The following RNF216 variants were observed in gnomAD, a reference collection of about 807,000 sequenced individuals.
RNF216 encodes ring finger protein 216.
RNF216 carries 72 observed loss-of-function variants against 110.8 expected under a neutral mutation model. The observed-to-expected ratio is 0.65, with a 90% CI of 0.54 to 0.79. The LOEUF (loss-of-function observed/expected upper bound fraction) is 0.79. RNF216 is among the 30% of genes least tolerant of loss of function. The pLI, the probability that RNF216 is intolerant of heterozygous loss-of-function variation, is 0.00. For synonymous variants in RNF216, 495 were observed against 407.5 expected (o/e 1.21, Z -2.59); for missense variants, 1,342 against 1,141.2 (o/e 1.18, Z -2.54).
At position 5,730,723 on chromosome 7, in the gene RNF216, C is replaced by T; in HGVS notation, c.1216G>A (p.Glu406Lys). 1 of 1,606,006 alleles carries T rather than the reference C, an allele frequency of 6.2e-7. No homozygotes were observed. Among genetic ancestry groups the T allele is most frequent in the South Asian group, 1.1e-5 (1 of 90,536 alleles). The part of the protein sequence containing the change: ...PSSSLLASQD[E>K]TKLPKIDFFD... ...ATGAACATGACACTTGCCTTTGTCTCATCTTGGCTGGCCAGCAGACTGCTA... is the reference window on the plus strand; with the variant it reads ...ATGAACATGACACTTGCCTTTGTCTTATCTTGGCTGGCCAGCAGACTGCTA... Residue 406 changes from glutamate (E) to lysine (K), a missense_variant, in exon 6 of 17, where the codon GAG becomes AAG. Physicochemically the swap from Glu to Lys is moderately conservative, Grantham distance 56 (BLOSUM62 1). Coordinates refer to ENST00000389902, the MANE Select transcript of RNF216 (RefSeq NM_207111.4).
chr7:5,712,961 A>G, intron 11 of RNF216, 98 bp from the exon 12 acceptor site: 2 of 1,083,338 alleles, frequency 1.8e-6, no homozygotes, highest in Non-Finnish European at 2.6e-6. Context: ...GAGACAACAT[A>G]GCAAGGATCT....
rs1041552305 is a variant in RNF216 at position 5,730,780 on chromosome 7, T to C, written c.1159A>G (p.Lys387Glu). 1 of 1,608,514 alleles carries C rather than the reference T, an allele frequency of 6.2e-7. No homozygotes were observed. The highest frequency in any genetic ancestry group is 1.7e-5 in the Admixed American group (1 of 59,254). Residue 387 changes from lysine to glutamate, a missense_variant, in exon 6 of 17, where the codon AAG (lysine) becomes GAG (glutamate). Physicochemically the swap from Lys to Glu is moderately conservative, Grantham distance 56. Transcript: ENST00000389902. ...NFLLENPDYP[K>E]REDRIIINPS... ...TTTATAATGATTCTGTCTTCTCTCT[T>C]TGGATAATCTGGGTTTTCCAGAAGA...
At chr7:5,742,171 C>T (rs1013924767) in intron 3 of RNF216, among the ~76,000 whole-genome samples, 12 of 152,282 alleles carry the variant, frequency 7.9e-5, no homozygotes, top group African/African-American at 2.9e-4. Context: ...CTCAGCCTCC[C>T]AAGTAGCTGG....
chr7:5,779,220 T>C (rs1796940958), intron 1 of RNF216, among the ~76,000 whole-genome samples: 1 of 152,176 alleles, frequency 6.6e-6, no homozygotes, highest in African/African-American at 2.4e-5. Flanking sequence ...TCATCAACTT[T>C]CGATCTGCCT....
chr7:5,779,847 C>A, intron 1 of RNF216: 1 of 98,220 alleles, frequency 1.0e-5, no homozygotes, highest in East Asian at 4.6e-4. Flanking sequence ...AAAAAAAATG[C>A]TCAATGAATG....
At chr7:5,754,352 G>A (rs992967545) in intron 2 of RNF216, among the ~76,000 whole-genome samples, 6 of 151,788 alleles carry the variant, frequency 4.0e-5, no homozygotes, top group Admixed American at 2.6e-4. Flanking sequence ...TTGTAGAGAT[G>A]GAGTCTCACT....
In RNF216 at chr7:5,646,788, G is replaced by GA. The variant is rs879682132; in HGVS notation, c.2160-5413dup. On this transcript the variant is annotated intron_variant, in intron 14 of 16. Transcript: ENST00000389902. ...GTATTAGCTTAGTGGTCAATGCCAG[G>GA]AAAAAAAAAAAATGAAAGAACCAAT... Among the ~76,000 whole-genome samples, 774 of 145,574 alleles carry GA rather than the reference G, an allele frequency of 5.3e-3. 7 individuals carry two copies. The highest frequency in any genetic ancestry group is 0.01 in the South Asian group (46 of 4,596).
rs776719567 is a variant in RNF216 at position 5,745,494 on chromosome 7, A to C, written c.202-3679T>G. ...CGTAATATAATTAGACACGTGAAAG[A>C]AGCATAAAAATTGGAAAGACAGATC... On this transcript the variant is annotated intron_variant, in intron 3 of 16. Coordinates refer to ENST00000389902, the MANE Select transcript of RNF216 (RefSeq NM_207111.4). Among the ~76,000 whole-genome samples, 7 of 152,214 alleles carry C rather than the reference A, an allele frequency of 4.6e-5. No individual in the cohort carries two copies. The South Asian group carries it at 6.2e-4, about 14-fold the overall frequency.
At chr7:5,781,065 G>GAAC (rs1797060292) in intron 1 of RNF216, among the ~76,000 whole-genome samples, 1 of 152,308 alleles carries the variant, frequency 6.6e-6, no homozygotes, top group South Asian at 2.1e-4. Context: ...AACTTTCGCG[G>GAAC]AACACGCGCT....
chr7:5,735,142 T>A (rs1554260403), intron 5 of RNF216, among the ~76,000 whole-genome samples: 1 of 147,850 alleles, frequency 6.8e-6, no homozygotes, highest in Non-Finnish European at 1.5e-5. Flanking sequence ...TGAGACTTCG[T>A]CTCAAAAAAA....
chr7:5,671,620 T>C (rs534126103), intron 13 of RNF216, among the ~76,000 whole-genome samples: 2 of 152,050 alleles, frequency 1.3e-5, no homozygotes, highest in African/African-American at 2.4e-5. Flanking sequence ...CTGACCAACA[T>C]GGTGAAACAC....
At chr7:5,658,805 C>G (rs1164651096) in intron 13 of RNF216, among the ~76,000 whole-genome samples, 1 of 151,950 alleles carries the variant, frequency 6.6e-6, no homozygotes, top group Non-Finnish European at 1.5e-5. Context: ...ATGTAACGTA[C>G]AAATAAACAC....
At chr7:5,663,183 T>C (rs1232279141) in intron 13 of RNF216, among the ~76,000 whole-genome samples, 1 of 152,174 alleles carries the variant, frequency 6.6e-6, no homozygotes, top group Non-Finnish European at 1.5e-5. Context: ...TATCTGATTA[T>C]GTCACATCTT....
chr7:5,760,380 G>C (rs150950298), intron 2 of RNF216: 4,198 of 306,858 alleles, frequency 0.014, 49 homozygotes, highest in Middle Eastern at 0.047. Flanking sequence ...GCAGGGCGTA[G>C]TGGCACATGC....
chr7:5,742,573 G>A (rs1472072060), intron 3 of RNF216, among the ~76,000 whole-genome samples: 1 of 148,946 alleles, frequency 6.7e-6, no homozygotes, highest in African/African-American at 2.5e-5. Flanking sequence ...CATTGGTGAG[G>A]ATGGTGAAAA....
At chr7:5,769,984 C>T (rs907379522) in intron 1 of RNF216, among the ~76,000 whole-genome samples, 1 of 123,322 alleles carries the variant, frequency 8.1e-6, no homozygotes, top group African/African-American at 3.3e-5. Flanking sequence ...TGAGATTGTG[C>T]CACTGTACTC....
intron 8 of RNF216, among the ~76,000 whole-genome samples, chr7:5,722,821 A>C (rs1793518210): frequency 6.6e-6 from 1 of 151,480 alleles, no homozygotes; most frequent in Non-Finnish European, 1.5e-5. Flanking sequence ...TAGGAGTTCG[A>C]GACCAACCTG....
intron 1 of RNF216, among the ~76,000 whole-genome samples, chr7:5,771,222 G>A (rs1210145256): frequency 2.0e-5 from 3 of 152,028 alleles, no homozygotes; most frequent in Non-Finnish European, 4.4e-5. Flanking sequence ...GTGGGAGTAG[G>A]GGGTAACAAC....
chr7:5,669,476 T>C (rs567453090), intron 13 of RNF216, among the ~76,000 whole-genome samples: 17 of 152,172 alleles, frequency 1.1e-4, no homozygotes, highest in Non-Finnish European at 2.4e-4. Context: ...AGTGAAAGAT[T>C]ATATTGACAG....
Sources: allele counts gnomAD v4.1 joint callset (sites outside exome capture counted in the v4.1 genomes callset), GRCh38; gene constraint gnomAD v4.1.1; transcripts MANE v1.5; gene names NCBI Gene and HGNC (gene_info 2026-07-23, HGNC 2026-07-21).